TMEM178B: variants seen among roughly 807,000 people sequenced by gnomAD.
The protein encoded by TMEM178B is transmembrane protein 178B.
In TMEM178B, 5 loss-of-function variants were observed where a neutral mutation model predicts 31.0. That is an observed-to-expected ratio of 0.16 (90% CI 0.08 to 0.34). TMEM178B has a LOEUF of 0.34. Ranked by LOEUF, TMEM178B falls within the 10% of genes least tolerant of loss-of-function variation. The probability of loss-of-function intolerance (pLI) is 1.00; values close to 1 mark genes in which losing one functional copy is unlikely to be tolerated. For missense variants in TMEM178B, 275 were observed against 400.3 expected (o/e 0.69, Z 2.67); for synonymous variants, 164 against 164.0 (o/e 1.00, Z 0.00).
intron 2 of TMEM178B, among the ~76,000 whole-genome samples, chr7:141,260,050 C>T (rs947095550): frequency 6.6e-6 from 1 of 151,714 alleles, no homozygotes. Context: ...GTATCAAGAC[C>T]CCGATGTTTT....
chr7:141,088,921 A>G (rs1449151118), intron 1 of TMEM178B, among the ~76,000 whole-genome samples: 3 of 152,216 alleles, frequency 2.0e-5, no homozygotes, highest in Non-Finnish European at 4.4e-5. Flanking sequence ...ACCCTAGCCC[A>G]ATGAAGTTAT....
At chr7:141,082,336 TG>T (rs1448614607) in intron 1 of TMEM178B, among the ~76,000 whole-genome samples, 1 of 152,218 alleles carries the variant, frequency 6.6e-6, no homozygotes, top group African/African-American at 2.4e-5. Flanking sequence ...CATTCTTTAT[TG>T]AATTCCTAGA....
intron 1 of TMEM178B, among the ~76,000 whole-genome samples, chr7:141,093,420 A>G (rs540509706): frequency 2.0e-5 from 3 of 152,338 alleles, no homozygotes; most frequent in African/African-American, 4.8e-5. Context: ...TATTTTGTGT[A>G]TGATAATCTT....
chr7:141,224,900 A>G (rs1797316293), intron 2 of TMEM178B, among the ~76,000 whole-genome samples: 2 of 152,180 alleles, frequency 1.3e-5, no homozygotes, highest in Non-Finnish European at 2.9e-5. Context: ...CTTCTTGGAT[A>G]TAGGCACTGG....
At chr7:141,437,389 A>C (rs1250692153) in intron 2 of TMEM178B, among the ~76,000 whole-genome samples, 1 of 152,252 alleles carries the variant, frequency 6.6e-6, no homozygotes, top group African/African-American at 2.4e-5. Flanking sequence ...CCCTGTGCTT[A>C]GGATCTAAAC....
intron 1 of TMEM178B, among the ~76,000 whole-genome samples, chr7:141,110,966 T>C (rs1795225599): frequency 6.6e-6 from 1 of 152,176 alleles, no homozygotes; most frequent in South Asian, 2.1e-4. Context: ...AGAAACCAAA[T>C]GCTGCTGGAA....
chr7:141,448,497 G>A (rs528861560), intron 3 of TMEM178B, among the ~76,000 whole-genome samples: 2 of 152,236 alleles, frequency 1.3e-5, no homozygotes, highest in African/African-American at 4.8e-5. Context: ...AAGTGTTGGT[G>A]GATCTTTTGG....
intron 1 of TMEM178B, among the ~76,000 whole-genome samples, chr7:141,174,195 G>A (rs1275966066): frequency 1.3e-5 from 2 of 151,862 alleles, no homozygotes; most frequent in Non-Finnish European, 2.9e-5. Flanking sequence ...TCCCACTTAC[G>A]AGTGAGAACA....
intron 2 of TMEM178B, among the ~76,000 whole-genome samples, chr7:141,235,538 C>T (rs1179756907): frequency 2.0e-5 from 3 of 152,134 alleles, no homozygotes; most frequent in Non-Finnish European, 4.4e-5. Context: ...TCTAATCTAA[C>T]TTTATCATTT....
chr7:141,242,612 G>A (rs1472250378), intron 2 of TMEM178B, among the ~76,000 whole-genome samples: 1 of 149,306 alleles, frequency 6.7e-6, no homozygotes, highest in Non-Finnish European at 1.5e-5. Context: ...CATGATCCTG[G>A]CTCACTGCAG....
At chr7:141,085,647 C>T (rs1344512685) in intron 1 of TMEM178B, among the ~76,000 whole-genome samples, 1 of 151,412 alleles carries the variant, frequency 6.6e-6, no homozygotes, top group African/African-American at 2.5e-5. Context: ...CAGTTTTGCC[C>T]TCAATTTCTC....
chr7:141,458,874 G>T (rs60646192), intron 3 of TMEM178B, among the ~76,000 whole-genome samples: 35,183 of 151,562 alleles, frequency 0.23, 4,190 homozygotes, highest in East Asian at 0.29. Context: ...CTGTGCGCAC[G>T]CACACACACA....
intron 2 of TMEM178B, among the ~76,000 whole-genome samples, chr7:141,237,769 A>C (rs1797552712): frequency 6.6e-6 from 1 of 152,202 alleles, no homozygotes; most frequent in Non-Finnish European, 1.5e-5. Flanking sequence ...CACACCTGTA[A>C]TCCCAGCACT....
At chr7:141,082,053 A>G (rs1049943322) in intron 1 of TMEM178B, among the ~76,000 whole-genome samples, 5 of 152,270 alleles carry the variant, frequency 3.3e-5, no homozygotes, top group Non-Finnish European at 7.3e-5. Context: ...GTTCAGGTTT[A>G]TAGCCTTGGA....
chr7:141,160,349 T>G (rs1205501791), intron 1 of TMEM178B, among the ~76,000 whole-genome samples: 2 of 152,120 alleles, frequency 1.3e-5, no homozygotes, highest in Non-Finnish European at 2.9e-5. Flanking sequence ...CGGCACCAGC[T>G]TCACTTCTCC....
the TMEM178B span, among the ~76,000 whole-genome samples, chr7:141,489,665 G>A: frequency 6.6e-6 from 1 of 151,290 alleles, no homozygotes; most frequent in African/African-American, 2.4e-5. Context: ...TCTCCTCCCC[G>A]CTGCCACAGG....
At chr7:141,290,863 T>A (rs1286963671) in intron 2 of TMEM178B, among the ~76,000 whole-genome samples, 3 of 152,220 alleles carry the variant, frequency 2.0e-5, no homozygotes, top group African/African-American at 7.2e-5. Flanking sequence ...CTGGGAATAG[T>A]GACCACGTCC....
At chr7:141,401,235 G>T (rs1272930294) in intron 2 of TMEM178B, among the ~76,000 whole-genome samples, 1 of 152,190 alleles carries the variant, frequency 6.6e-6, no homozygotes, top group Admixed American at 6.5e-5. Flanking sequence ...AACCCACTAA[G>T]ATGGTAAAAA....
rs1251320543 is a variant in TMEM178B, at chr7:141,449,485, C to A, written c.634+11740C>A. Among the ~76,000 whole-genome samples the A allele has an allele frequency of 3.3e-5, 5 of 152,274 alleles. No individual in the cohort carries two copies. In the East Asian group the frequency reaches 9.7e-4, roughly 29 times the overall value. ...CTTGAGGCTTTTTGTCACATCCAAT[C>A]CTTGATGGCTGAGATGTACTACAGG... On this transcript the variant is annotated intron_variant, in intron 3 of 3. Coordinates refer to ENST00000565468, the MANE Select transcript of TMEM178B (RefSeq NM_001195278.2).
Sources: allele counts gnomAD v4.1 joint callset (sites outside exome capture counted in the v4.1 genomes callset), GRCh38; gene constraint gnomAD v4.1.1; transcripts MANE v1.5; gene names NCBI Gene and HGNC (gene_info 2026-07-23, HGNC 2026-07-21).